Variants in GDAP2 observed in about 807,000 individuals in gnomAD.
GDAP2 encodes ganglioside-induced differentiation-associated protein 2.
A neutral mutation model predicts 67.0 loss-of-function variants in GDAP2; 51 were observed. The ratio of observed to expected loss-of-function variants is 0.76; its 90% CI spans 0.61 to 0.96. The LOEUF (loss-of-function observed/expected upper bound fraction) is 0.96, where lower values mean the gene tolerates loss of function less well. GDAP2 is among the 40% of genes least tolerant of loss of function. The pLI is 0.00. For missense variants in GDAP2, 547 were observed against 588.3 expected (o/e 0.93, Z 0.73); for synonymous variants, 203 against 207.3 (o/e 0.98, Z 0.18).
Position 117,883,536 on chromosome 1 carries a change from T to TC in GDAP2, c.1198_1199insG (p.His400ArgfsTer15), listed in dbSNP as rs547792505. On this transcript the variant is annotated frameshift_variant, in exon 11 of 14. Transcript: ENST00000369443. LOFTEE classifies it high-confidence loss of function. ...TTTCTTCAGGAAGTCGGAGTCCAGG[T>TC]GATTGTATTCGCTGGTCAGGGTGTG... 4.3e-6 allele frequency: 7 copies of TC among 1,611,998 alleles called. No homozygotes were observed. The highest frequency in any genetic ancestry group is 1.3e-5 in the African/African-American group (1 of 74,834).
Position 117,863,973 on chromosome 1 carries a change from G to T in GDAP2, c.*6596C>A, listed in dbSNP as rs1288255574. 6.6e-6 allele frequency: 1 copy of T among 152,128 alleles called. No homozygotes were observed. Among genetic ancestry groups the T allele is most frequent in the Non-Finnish European group, 1.5e-5 (1 of 68,018 alleles). 9.4% of individuals were successfully genotyped at this position (152,128 alleles called of 1,614,324 possible). A position where few individuals can be genotyped will look rare whatever the true frequency, so the allele number is the denominator to read the frequency against. ...CTGTTGAATACACAAAAACACTGAGGTTCAGAAAAAGTTGAGAAACAGGCC... is the reference window on the plus strand; with the variant it reads ...CTGTTGAATACACAAAAACACTGAGTTTCAGAAAAAGTTGAGAAACAGGCC... On this transcript the variant is annotated 3_prime_UTR_variant, in exon 14 of 14. Coordinates refer to ENST00000369443, the MANE Select transcript of GDAP2 (RefSeq NM_017686.4).
At chr1:117,879,774 T>C (rs1421429522) in intron 12 of GDAP2, among the ~76,000 whole-genome samples, 1 of 152,106 alleles carries the variant, frequency 6.6e-6, no homozygotes, top group Non-Finnish European at 1.5e-5. Context: ...TCCCCAGATA[T>C]ATGTTTGAAG....
intron 12 of GDAP2, among the ~76,000 whole-genome samples, chr1:117,879,886 G>C (rs918057722): frequency 2.6e-5 from 4 of 152,108 alleles, no homozygotes; most frequent in African/African-American, 9.7e-5. Flanking sequence ...CTCAAAGGAT[G>C]CAAGCAGGAA....
Position 117,906,565 on chromosome 1 carries a change from G to T in GDAP2, c.577C>A (p.Leu193Ile). The T allele has an allele frequency of 6.4e-7, 1 of 1,558,434 alleles. No individual in the cohort carries two copies. ...HIALRTVRRF[L>I]EIHGETIEKV... ...TCAATGGTTTCCCCATGAATCTCTA[G>T]GAATCTTCTTACAGTGCCTAAGGAA... The change falls in exon 6 of 14, where the codon CTA becomes ATA. Residue 193 changes from leucine (L) to isoleucine (I), a missense_variant. Transcript: ENST00000369443.
At chr1:117,876,370 C>T (rs989401166) in intron 13 of GDAP2, among the ~76,000 whole-genome samples, 14 of 152,104 alleles carry the variant, frequency 9.2e-5, no homozygotes, top group Non-Finnish European at 1.6e-4. Context: ...AGTCCCTCAC[C>T]AGAAGCAGAT....
intron 1 of GDAP2, among the ~76,000 whole-genome samples, chr1:117,924,964 A>G (rs1259227720): frequency 6.6e-6 from 1 of 152,134 alleles, no homozygotes; most frequent in African/African-American, 2.4e-5. Flanking sequence ...ATTTCAAAAA[A>G]TTACCTGCAG....
intron 13 of GDAP2, among the ~76,000 whole-genome samples, chr1:117,875,523 C>CT (rs1648427710): frequency 6.6e-6 from 1 of 152,248 alleles, no homozygotes. Flanking sequence ...CACTGGGGCA[C>CT]TGCCTAGTGG....
chr1:117,922,175 T>C lies in GDAP2; in HGVS notation c.-67-1751A>G, dbSNP rs150000134. Among the ~76,000 whole-genome samples the C allele has an allele frequency of 4.3e-3, 657 of 152,264 alleles. 3 individuals carry two copies. Among genetic ancestry groups the C allele is most frequent in the African/African-American group, 0.015 (635 of 41,552 alleles). The stretch of plus-strand genomic sequence containing the variant: ...AGAAGATGCGGCTAAAGATATAAAT[T>C]TGGAATTCTCAGCATATGGATGGTA... On this transcript the variant is annotated intron_variant, in intron 1 of 13. Transcript: ENST00000369443.
Position 117,877,202 on chromosome 1 carries a change from A to C in GDAP2, c.1446+807T>G, listed in dbSNP as rs763568108. 2.5e-5 allele frequency: 18 copies of C among 723,624 alleles called. No individual in the cohort carries two copies. The Admixed American group carries it at 1.1e-3, about 45-fold the overall frequency. 44.8% of individuals were successfully genotyped at this position (723,624 alleles called of 1,614,324 possible). ...GGGGAAAAAAATTATAGCTAAAGTT[A>C]GAGAAATGTTAGAGAGAAATTGTGT... is the stretch of plus-strand genomic sequence containing the variant. On this transcript the variant is annotated intron_variant, in intron 13 of 13. Coordinates refer to ENST00000369443, the MANE Select transcript of GDAP2 (RefSeq NM_017686.4).
At chr1:117,913,401 A>ATTTTT (rs74388227) in intron 3 of GDAP2, 1 of 142,636 alleles carries the variant, frequency 7.0e-6, no homozygotes, top group African/African-American at 2.6e-5. Flanking sequence ...TAAGGTGATG[A>ATTTTT]TTTTTTTTTT....
intron 1 of GDAP2, among the ~76,000 whole-genome samples, chr1:117,928,077 T>C (rs570881043): frequency 3.3e-4 from 50 of 152,332 alleles, no homozygotes; most frequent in African/African-American, 1.1e-3. Flanking sequence ...AATATTAAGA[T>C]AGTTTTTTAA....
chr1:117,907,233 T>C (rs1557805397), intron 5 of GDAP2, among the ~76,000 whole-genome samples: 1 of 152,210 alleles, frequency 6.6e-6, no homozygotes, highest in African/African-American at 2.4e-5. Context: ...ACACATGTCC[T>C]CATCTTTTAA....
chr1:117,901,534 T>C (rs1311760220), intron 6 of GDAP2, among the ~76,000 whole-genome samples: 1 of 152,240 alleles, frequency 6.6e-6, no homozygotes, highest in Non-Finnish European at 1.5e-5. Context: ...CACTTGTTAT[T>C]GTCTCCCTTC....
chr1:117,884,378 G>A (rs1439421734), intron 10 of GDAP2, among the ~76,000 whole-genome samples: 2 of 152,132 alleles, frequency 1.3e-5, no homozygotes, highest in African/African-American at 4.8e-5. Flanking sequence ...ATGACCCAGT[G>A]GTTTAGCTGT....
Position 117,865,465 on chromosome 1 carries a change from TC to T in GDAP2, c.*5103del, listed in dbSNP as rs1471596873. 6.6e-6 allele frequency: 1 copy of T among 152,230 alleles called. No individual in the cohort carries two copies. Among genetic ancestry groups the T allele is most frequent in the Non-Finnish European group, 1.5e-5 (1 of 68,042 alleles). The allele number at this position is 152,230 out of a possible 1,614,324, so 9.4% of individuals were successfully genotyped here. On this transcript the variant is annotated 3_prime_UTR_variant, in exon 14 of 14. Coordinates refer to ENST00000369443, the MANE Select transcript of GDAP2 (RefSeq NM_017686.4). ...CTGTCAATTTAAGCATTTTTAGGTT[TC>T]CTTCGCCCAATACCAATTAAAATCA...
intron 1 of GDAP2, among the ~76,000 whole-genome samples, chr1:117,927,060 T>C (rs1438688809): frequency 6.6e-6 from 1 of 151,240 alleles, no homozygotes; most frequent in Non-Finnish European, 1.5e-5. Flanking sequence ...AAAGTCTACA[T>C]GGGACAAACA....
chr1:117,913,344 T>C (rs1447046935), intron 3 of GDAP2: 1 of 151,762 alleles, frequency 6.6e-6, no homozygotes, highest in African/African-American at 2.4e-5. Context: ...TAAAAGTTTG[T>C]ATAAAAACAG....
At chr1:117,878,804 C>T (rs1451924491) in intron 12 of GDAP2, among the ~76,000 whole-genome samples, 1 of 152,120 alleles carries the variant, frequency 6.6e-6, no homozygotes, top group African/African-American at 2.4e-5. Flanking sequence ...CTGACATAAA[C>T]TAGGTAATGG....
intron 13 of GDAP2, among the ~76,000 whole-genome samples, chr1:117,876,417 T>C (rs978544036): frequency 8.5e-5 from 13 of 152,170 alleles, no homozygotes; most frequent in African/African-American, 2.9e-4. Context: ...TGCAGAACCA[T>C]GAACCAAATA....
Sources: gnomAD v4.1 joint callset for allele counts (sites outside exome capture counted in the v4.1 genomes callset) on GRCh38, gnomAD v4.1.1 for gene constraint, MANE v1.5 for transcripts, NCBI Gene and HGNC (gene_info 2026-07-23, HGNC 2026-07-21) for gene names.